IL1RAP: variants seen among roughly 807,000 people sequenced by gnomAD.
IL1RAP encodes interleukin-1 receptor accessory protein.
Under a neutral mutation model 60.7 loss-of-function variants are expected in IL1RAP, and 35 were observed. That is an observed-to-expected ratio of 0.58 (90% CI 0.44 to 0.76). The LOEUF (loss-of-function observed/expected upper bound fraction) is 0.76, where lower values mean the gene tolerates loss of function less well. Among genes scored for constraint, IL1RAP ranks in the 30% least tolerant of loss-of-function variants. The pLI is 0.00. For missense variants in IL1RAP, 572 were observed against 693.9 expected (o/e 0.82, Z 1.97); for synonymous variants, 268 against 250.9 (o/e 1.07, Z -0.64).
Position 190,630,184 on chromosome 3 carries a change from G to T in IL1RAP, c.1051+686G>T, listed in dbSNP as rs1051839793. Reference sequence around the variant, plus strand: ...CTAAAATGAAAATCATTTAAATTATGATTTTAAATGGTATAAACATGATTT... The same window carrying T: ...CTAAAATGAAAATCATTTAAATTATTATTTTAAATGGTATAAACATGATTT... On this transcript the variant is annotated intron_variant, in intron 9 of 11. Transcript: ENST00000447382. 6 of 759,342 alleles carry T rather than the reference G, an allele frequency of 7.9e-6. No homozygotes were observed. The African/African-American group carries it at 1.1e-4, about 14-fold the overall frequency. The allele number at this position is 759,342 out of a possible 1,614,324, so 47.0% of individuals were successfully genotyped here. A position where few individuals can be genotyped will look rare whatever the true frequency, so the allele number is the denominator to read the frequency against.
chr3:190,654,980 T>C (rs893662596), downstream of IL1RAP, among the ~76,000 whole-genome samples: 14 of 152,178 alleles, frequency 9.2e-5, no homozygotes, highest in African/African-American at 3.4e-4. Context: ...GACTAATTCT[T>C]ACCCATTTTC....
At chr3:190,630,509 G>A (rs7642607) in intron 9 of IL1RAP, among the ~76,000 whole-genome samples, 136,991 of 152,272 alleles carry the variant, frequency 0.9, 61,830 homozygotes, top group East Asian at 1. Context: ...ATTTTACAGA[G>A]ACTTAATGCT....
At chr3:190,612,528 T>TTC (rs2108773001) in intron 5 of IL1RAP, among the ~76,000 whole-genome samples, 1 of 152,276 alleles carries the variant, frequency 6.6e-6, no homozygotes, top group East Asian at 1.9e-4. Context: ...GAAATCATAT[T>TTC]TCTCTCATGT....
In IL1RAP at chr3:190,651,088, C is replaced by A. The variant is rs1190306407; in HGVS notation, c.*2383C>A. 2 of 984,286 alleles carry A rather than the reference C, an allele frequency of 2.0e-6. No individual in the cohort carries two copies. Among genetic ancestry groups the A allele is most frequent in the East Asian group, 2.3e-4 (2 of 8,816 alleles). The allele number at this position is 984,286 out of a possible 1,614,324, so 61.0% of individuals were successfully genotyped here. A position where few individuals can be genotyped will look rare whatever the true frequency, so the allele number is the denominator to read the frequency against. On this transcript the variant is annotated 3_prime_UTR_variant, in exon 12 of 12. Transcript: ENST00000447382. The stretch of plus-strand genomic sequence containing the variant: ...GTTTCAAGATTTTTTTTTAATGTTC[C>A]AGAAGATGGCCAATAGAGAACATTC...
intron 8 of IL1RAP, 56 bp from the exon 9 acceptor site, chr3:190,629,294 G>A: frequency 1.5e-6 from 2 of 1,317,414 alleles, no homozygotes; most frequent in Non-Finnish European, 2.1e-6. Context: ...TTCCTACACA[G>A]TCCATAGCTC....
At chr3:190,528,089 T>C (rs1053275121) in intron 1 of IL1RAP, among the ~76,000 whole-genome samples, 1 of 152,198 alleles carries the variant, frequency 6.6e-6, no homozygotes, top group Non-Finnish European at 1.5e-5. Flanking sequence ...GAGCATTACT[T>C]AATCTTAGTT....
chr3:190,517,146 A>G (rs1721596189), intron 1 of IL1RAP, among the ~76,000 whole-genome samples: 1 of 152,226 alleles, frequency 6.6e-6, no homozygotes, highest in Non-Finnish European at 1.5e-5. Flanking sequence ...CAACTGTCAT[A>G]AGAGGGTATT....
At chr3:190,535,466 C>G (rs567160735) in intron 1 of IL1RAP, among the ~76,000 whole-genome samples, 1 of 152,298 alleles carries the variant, frequency 6.6e-6, no homozygotes, top group South Asian at 2.1e-4. Context: ...CAGCTCTATT[C>G]CTGGCCAACA....
At chr3:190,519,303 T>A (rs1721808926) in intron 1 of IL1RAP, among the ~76,000 whole-genome samples, 1 of 152,190 alleles carries the variant, frequency 6.6e-6, no homozygotes, top group Non-Finnish European at 1.5e-5. Flanking sequence ...TGGAGATGTA[T>A]TTTTCTGAAC....
At chr3:190,547,360 G>C (rs146423570) in intron 1 of IL1RAP, among the ~76,000 whole-genome samples, 8 of 152,138 alleles carry the variant, frequency 5.3e-5, no homozygotes, top group Non-Finnish European at 1.2e-4. Context: ...TGGTGGGTGC[G>C]CATTGCCATC....
chr3:190,594,896 T>A (rs1309453466), intron 3 of IL1RAP, among the ~76,000 whole-genome samples: 2 of 152,228 alleles, frequency 1.3e-5, no homozygotes, highest in Non-Finnish European at 2.9e-5. Context: ...TATTTTACAC[T>A]ATTATGAGCT....
At chr3:190,599,848 T>TA (rs74901565) in intron 3 of IL1RAP, among the ~76,000 whole-genome samples, 12,423 of 151,230 alleles carry the variant, frequency 0.082, 568 homozygotes, top group African/African-American at 0.11. Context: ...ATTTAACATC[T>TA]AAAAAAAAAT....
downstream of IL1RAP, among the ~76,000 whole-genome samples, chr3:190,655,603 G>A (rs1164114367): frequency 6.9e-6 from 1 of 145,724 alleles, no homozygotes; most frequent in Non-Finnish European, 1.5e-5. Context: ...GTGTGTGTGT[G>A]TGTTTTAAGA....
intron 2 of IL1RAP, among the ~76,000 whole-genome samples, chr3:190,558,241 A>G (rs1264064168): frequency 6.6e-6 from 1 of 152,194 alleles, no homozygotes. Flanking sequence ...TAGGGCTTCT[A>G]CAAACATGCA....
intron 3 of IL1RAP, among the ~76,000 whole-genome samples, chr3:190,589,676 C>T (rs1319771848): frequency 1.3e-5 from 2 of 152,142 alleles, no homozygotes; most frequent in Non-Finnish European, 2.9e-5. Flanking sequence ...ATATTGGCTG[C>T]ACATCTTGAG....
chr3:190,573,093 G>T (rs1382341395), intron 3 of IL1RAP, among the ~76,000 whole-genome samples: 5 of 52,032 alleles, frequency 9.6e-5, no homozygotes, highest in Non-Finnish European at 1.9e-4. Context: ...TCGATCTCCT[G>T]ACCTCGTGAT....
intron 3 of IL1RAP, among the ~76,000 whole-genome samples, chr3:190,596,254 T>A (rs1729369293): frequency 1.3e-5 from 2 of 152,220 alleles, no homozygotes; most frequent in African/African-American, 2.4e-5. Flanking sequence ...AAATATTTAA[T>A]GAATACAAAT....
intron 1 of IL1RAP, among the ~76,000 whole-genome samples, chr3:190,531,722 C>T (rs1024330797): frequency 1.3e-5 from 2 of 152,140 alleles, no homozygotes; most frequent in African/African-American, 2.4e-5. Flanking sequence ...ATTAAGAAAC[C>T]GTAATATATC....
chr3:190,644,820 TG>T (rs1397731840), intron 10 of IL1RAP, among the ~76,000 whole-genome samples: 1 of 152,240 alleles, frequency 6.6e-6, no homozygotes, highest in Admixed American at 6.5e-5. Flanking sequence ...AAATGTAAAA[TG>T]TATTCTACTT....
Sources: gnomAD v4.1 joint callset for allele counts (sites outside exome capture counted in the v4.1 genomes callset) on GRCh38, gnomAD v4.1.1 for gene constraint, MANE v1.5 for transcripts, NCBI Gene and HGNC (gene_info 2026-07-23, HGNC 2026-07-21) for gene names.